The following PIK3C2A variants were observed in gnomAD, a reference collection of about 807,000 sequenced individuals.
PIK3C2A encodes phosphatidylinositol-4-phosphate 3-kinase catalytic subunit type 2 alpha, also known as phosphatidylinositol 4-phosphate 3-kinase C2 domain-containing subunit alpha.
In PIK3C2A, 97 loss-of-function variants were observed where a neutral mutation model predicts 204.5. The ratio of observed to expected loss-of-function variants is 0.47; its 90% CI spans 0.40 to 0.56. PIK3C2A has a LOEUF of 0.56. Ranked by LOEUF, PIK3C2A falls within the 20% of genes least tolerant of loss-of-function variation. The probability of loss-of-function intolerance (pLI) is 0.00; values close to 1 mark genes in which losing one functional copy is unlikely to be tolerated. For synonymous variants in PIK3C2A, 653 were observed against 664.4 expected, an observed-to-expected ratio of 0.98 and a Z score of 0.26; for missense variants, 1,735 against 1,969.2, an observed-to-expected ratio of 0.88 and a Z score of 2.25.
chr11:17,134,192 A>G (rs1849795151), intron 11 of PIK3C2A, among the ~76,000 whole-genome samples: 1 of 152,166 alleles, frequency 6.6e-6, no homozygotes, highest in Non-Finnish European at 1.5e-5. Flanking sequence ...TAGTTGCTAG[A>G]TAAAGCTGCA....
intron 1 of PIK3C2A, among the ~76,000 whole-genome samples, chr11:17,173,219 A>G (rs903174093): frequency 3.9e-5 from 6 of 152,152 alleles, no homozygotes; most frequent in African/African-American, 1.4e-4. Context: ...TACGGCTTCC[A>G]TTTTGGAGAC....
chr11:17,115,115 C>T (rs188706799), intron 19 of PIK3C2A, among the ~76,000 whole-genome samples: 8 of 152,106 alleles, frequency 5.3e-5, no homozygotes, highest in East Asian at 1.9e-4. Flanking sequence ...AATGGATACA[C>T]GGTTCCTAAA....
At chr11:17,178,114 A>AAAAG (rs1555034938) in intron 1 of PIK3C2A, among the ~76,000 whole-genome samples, 771 of 72,924 alleles carry the variant, frequency 0.011, 16 homozygotes, top group African/African-American at 0.017. Flanking sequence ...AAAAAAAAAG[A>AAAAG]AAAAAAAAAT....
At chr11:17,125,538 G>A (rs1849494207) in intron 13 of PIK3C2A, among the ~76,000 whole-genome samples, 1 of 151,440 alleles carries the variant, frequency 6.6e-6, no homozygotes, top group Non-Finnish European at 1.5e-5. Context: ...TTTTGAGATG[G>A]AGTCTCGTTC....
At chr11:17,166,862 C>T (rs2137480161) in intron 2 of PIK3C2A, among the ~76,000 whole-genome samples, 1 of 152,276 alleles carries the variant, frequency 6.6e-6, no homozygotes, top group East Asian at 1.9e-4. Context: ...AAAATAGAGA[C>T]CCACAGCTGG....
chr11:17,140,332 A>T (rs1850019884), intron 8 of PIK3C2A, among the ~76,000 whole-genome samples: 1 of 152,218 alleles, frequency 6.6e-6, no homozygotes, highest in South Asian at 2.1e-4. Flanking sequence ...AAAAGAAATT[A>T]AAACATATAT....
Position 17,088,690 on chromosome 11 carries a change from CACAG to C in PIK3C2A, c.*1044_*1047del, listed in dbSNP as rs778281616. 2.0e-5 allele frequency: 3 copies of C among 152,232 alleles called. No individual in the cohort carries two copies. Among genetic ancestry groups the C allele is most frequent in the Non-Finnish European group, 4.4e-5 (3 of 68,044 alleles). 9.4% of individuals were successfully genotyped at this position (152,232 alleles called of 1,614,324 possible). A position where few individuals can be genotyped will look rare whatever the true frequency, so the allele number is the denominator to read the frequency against. On this transcript the variant is annotated 3_prime_UTR_variant, in exon 33 of 33. Coordinates refer to ENST00000691414, the MANE Select transcript of PIK3C2A (RefSeq NM_002645.4). Reference sequence around the variant, plus strand: ...ACAGTTTACAAGACAAACTGGTCTACACAGACAAAGGTCTATATTAAAGTTCAAT... The same window carrying C: ...ACAGTTTACAAGACAAACTGGTCTACACAAAGGTCTATATTAAAGTTCAAT...
At chr11:17,180,457 G>C (rs977994998) in intron 1 of PIK3C2A, among the ~76,000 whole-genome samples, 1 of 151,304 alleles carries the variant, frequency 6.6e-6, no homozygotes, top group Non-Finnish European at 1.5e-5. Context: ...CTATCACAAA[G>C]AGCTAATCTT....
chr11:17,189,757 G>T (rs1236273279), intron 1 of PIK3C2A, among the ~76,000 whole-genome samples: 1 of 142,426 alleles, frequency 7.0e-6, no homozygotes, highest in Non-Finnish European at 1.5e-5. Context: ...ACTAAAAAGT[G>T]AGCTGAAATT....
chr11:17,137,467 T>C (rs7945916), intron 8 of PIK3C2A, among the ~76,000 whole-genome samples: 3,314 of 129,708 alleles, frequency 0.026, 122 homozygotes, highest in African/African-American at 0.09. Flanking sequence ...CAGGCTGGAG[T>C]GCAGTGGTGG....
intron 15 of PIK3C2A, among the ~76,000 whole-genome samples, chr11:17,121,919 T>G (rs1849378342): frequency 6.6e-6 from 1 of 151,902 alleles, no homozygotes; most frequent in Non-Finnish European, 1.5e-5. Flanking sequence ...GTAAAAAGGT[T>G]TGACTTGACA....
Position 17,086,965 on chromosome 11 carries a change from A to T in PIK3C2A, c.*2773T>A, listed in dbSNP as rs1225762289. 1 of 152,232 alleles carries T rather than the reference A, an allele frequency of 6.6e-6. No individual in the cohort carries two copies. Among genetic ancestry groups the T allele is most frequent in the Non-Finnish European group, 1.5e-5 (1 of 68,032 alleles). The allele number at this position is 152,232 out of a possible 1,614,324, so 9.4% of individuals were successfully genotyped here. A position where few individuals can be genotyped will look rare whatever the true frequency, so the allele number is the denominator to read the frequency against. ...AAAAAGAAATGATCAAAGATCATAC[A>T]TGCCTTAACATTTAGATACCTATAG... On this transcript the variant is annotated 3_prime_UTR_variant, in exon 33 of 33. Coordinates refer to ENST00000691414, the MANE Select transcript of PIK3C2A (RefSeq NM_002645.4).
At chr11:17,097,683 G>A (rs1369373563) in intron 26 of PIK3C2A, among the ~76,000 whole-genome samples, 1 of 152,240 alleles carries the variant, frequency 6.6e-6, no homozygotes, top group Admixed American at 6.5e-5. Flanking sequence ...GGAGGCCAAG[G>A]GGAGCGGATC....
At position 17,134,879 on chromosome 11, in the gene PIK3C2A, G is replaced by A. The variant is rs143769023; in HGVS notation, c.2048C>T (p.Thr683Ile). 3 of 1,614,140 alleles carry A rather than the reference G, an allele frequency of 1.9e-6. No individual in the cohort carries two copies. The highest frequency in any genetic ancestry group is 2.5e-6 in the Non-Finnish European group (3 of 1,179,978). The stretch of plus-strand genomic sequence containing the variant: ...AAAAATAGTAAACTGGAGCTGCTCT[G>A]TTGTAGTCCATGCTTCCTTGACACT... ...SKSVKEAWTT[T>I]EQLQFTIFAA... Residue 683 changes from threonine (T) to isoleucine (I), a missense_variant, in exon 11 of 33, where the codon ACA (threonine) becomes ATA (isoleucine). Transcript: ENST00000691414.
intron 1 of PIK3C2A, among the ~76,000 whole-genome samples, chr11:17,175,551 A>G (rs530962760): frequency 2.0e-5 from 3 of 152,328 alleles, no homozygotes; most frequent in Non-Finnish European, 4.4e-5. Context: ...GAAAACTTCA[A>G]TGCTAATGTT....
chr11:17,108,500 G>A (rs2137306253), intron 22 of PIK3C2A, among the ~76,000 whole-genome samples: 1 of 152,146 alleles, frequency 6.6e-6, no homozygotes, highest in East Asian at 1.9e-4. Context: ...ATCATATCAA[G>A]CTAATTTTGG....
intron 8 of PIK3C2A, among the ~76,000 whole-genome samples, chr11:17,140,270 C>A (rs867181113): frequency 2.0e-5 from 3 of 151,864 alleles, no homozygotes; most frequent in African/African-American, 7.3e-5. Flanking sequence ...ATAAAATAAA[C>A]AACAATAAAA....
At chr11:17,184,550 T>C (rs1851688287) in intron 1 of PIK3C2A, among the ~76,000 whole-genome samples, 2 of 152,194 alleles carry the variant, frequency 1.3e-5, no homozygotes, top group Admixed American at 6.5e-5. Context: ...TATGTTCTTA[T>C]ATGTTATTAC....
intron 1 of PIK3C2A, among the ~76,000 whole-genome samples, chr11:17,187,695 A>G (rs1851800970): frequency 6.6e-6 from 1 of 152,132 alleles, no homozygotes; most frequent in Non-Finnish European, 1.5e-5. Context: ...AAATAGGAAG[A>G]GGTGGTATCA....
Sources: allele counts gnomAD v4.1 joint callset (sites outside exome capture counted in the v4.1 genomes callset), GRCh38; gene constraint gnomAD v4.1.1; transcripts MANE v1.5; gene names NCBI Gene and HGNC (gene_info 2026-07-23, HGNC 2026-07-21).